The following MICAL3 variants were observed in gnomAD, a reference collection of about 807,000 sequenced individuals.
The protein encoded by MICAL3 is microtubule associated monooxygenase, calponin and LIM domain containing 3, also known as [F-actin]-monooxygenase MICAL3.
Under a neutral mutation model 207.4 loss-of-function variants are expected in MICAL3, and 62 were observed. The ratio of observed to expected loss-of-function variants is 0.30; its 90% CI spans 0.24 to 0.37. The LOEUF is 0.37. Among genes scored for constraint, MICAL3 ranks in the 10% least tolerant of loss-of-function variants. MICAL3 has a pLI of 1.00. For synonymous variants in MICAL3, 1,077 were observed against 1,069.3 expected, an observed-to-expected ratio of 1.01 and a Z score of -0.14; for missense variants, 2,368 against 2,635.6, an observed-to-expected ratio of 0.90 and a Z score of 2.22.
intron 1 of MICAL3, among the ~76,000 whole-genome samples, chr22:17,933,283 A>G (rs1933359295): frequency 6.6e-6 from 1 of 152,258 alleles, no homozygotes; most frequent in Admixed American, 6.5e-5. Context: ...CTCAGACAAC[A>G]GTGCAATCAA....
chr22:17,978,517 CTTT>C (rs796547093), intron 1 of MICAL3, among the ~76,000 whole-genome samples: 1 of 144,410 alleles, frequency 6.9e-6, no homozygotes, highest in South Asian at 2.2e-4. Flanking sequence ...GAACTGTACA[CTTT>C]TTTTTTTTTT....
rs565667574 is a variant in MICAL3 at position 17,850,400 on chromosome 22, G to GTTTTTTT, written c.2606-8390_2606-8384dup. Among the ~76,000 whole-genome samples the GTTTTTTT allele has an allele frequency of 6.5e-3, 487 of 74,402 alleles. 59 individuals are homozygous for GTTTTTTT. The highest frequency in any genetic ancestry group is 9.2e-3 in the Non-Finnish European group (358 of 38,948). The allele number at this position is 74,402 out of a possible 152,430, so 48.8% of individuals were successfully genotyped here. Reference sequence around the variant, plus strand: ...CTGTGGAACTTTTGCTTTTGAATTAGTTTTTTTTTTTTTTTTTTTTTTTTT... The same window carrying GTTTTTTT: ...CTGTGGAACTTTTGCTTTTGAATTAGTTTTTTTTTTTTTTTTTTTTTTTTTTTTTTTT... On this transcript the variant is annotated intron_variant, in intron 19 of 31. Transcript: ENST00000441493.
intron 20 of MICAL3, among the ~76,000 whole-genome samples, chr22:17,838,394 G>A (rs80243667): frequency 0.016 from 2,368 of 152,280 alleles, 36 homozygotes; most frequent in Non-Finnish European, 0.024. Flanking sequence ...CATCAACCCC[G>A]TTTAAGGAAA....
At position 17,818,447 on chromosome 22, in the gene MICAL3, C is replaced by A. The variant is rs780451031; in HGVS notation, c.4214G>T (p.Arg1405Leu). The stretch of plus-strand genomic sequence containing the variant: ...GCGTAGCTCTCTGTCGGACGGGGAC[C>A]GGGGGGTTGGCAGGGACAACGGCTC... ...EGEPLSLPTP[R>L]SPSDRELRSA... Residue 1405 changes from arginine to leucine, a missense_variant, in exon 26 of 32, where the codon CGG becomes CTG. By Grantham distance (102) the Arg-to-Leu change is moderately radical. This residue lies in a region of MICAL3 where 1,770 missense variants were observed against 1,863.2 expected (regional missense o/e 0.95). Coordinates refer to ENST00000441493, the MANE Select transcript of MICAL3 (RefSeq NM_015241.3). 10 of 1,612,866 alleles carry A rather than the reference C, an allele frequency of 6.2e-6. No individual in the cohort carries two copies. Among genetic ancestry groups the A allele is most frequent in the Non-Finnish European group, 8.5e-6 (10 of 1,179,882 alleles).
At chr22:17,864,746 G>A (rs770032279) in intron 19 of MICAL3, 153 bp downstream of exon 19, 1 of 1,613,882 alleles carries the variant, frequency 6.2e-7, no homozygotes, top group Non-Finnish European at 8.5e-7. Flanking sequence ...AACGCAAGCA[G>A]CTGGCACATG....
At chr22:17,886,671 G>A (rs2146220102) in intron 15 of MICAL3, among the ~76,000 whole-genome samples, 1 of 152,170 alleles carries the variant, frequency 6.6e-6, no homozygotes, top group Middle Eastern at 3.4e-3. Context: ...AGGACATGGT[G>A]ATGCACACCT....
chr22:17,860,223 CACG>C (rs1926365446), intron 19 of MICAL3: 2 of 983,330 alleles, frequency 2.0e-6, no homozygotes, highest in Non-Finnish European at 1.2e-6. Context: ...AAATTAAAAG[CACG>C]ACAACTTGGT....
intron 10 of MICAL3, 95 bp downstream of exon 10, chr22:17,895,189 G>C: frequency 7.9e-7 from 1 of 1,260,056 alleles, no homozygotes; most frequent in Non-Finnish European, 1.1e-6. Flanking sequence ...ATCCTTGTAT[G>C]TGTGGTATTA....
intron 1 of MICAL3, among the ~76,000 whole-genome samples, chr22:17,967,486 A>ACACCCACC (rs1556491356): frequency 6.9e-6 from 1 of 145,592 alleles, no homozygotes; most frequent in Non-Finnish European, 1.5e-5. Context: ...ACACACACAC[A>ACACCCACC]CACACACCCA....
Position 17,827,866 on chromosome 22 carries a change from T to G in MICAL3, c.3056-85A>C, listed in dbSNP as rs145369372. ...ATGGGAAAGGAAACAGAAAGAGAAG[T>G]TACAGCATTGGCCAGGGTCAGTATG... On this transcript the variant is annotated intron_variant, in intron 21 of 31. Coordinates refer to ENST00000441493, the MANE Select transcript of MICAL3 (RefSeq NM_015241.3). 5.2e-4 allele frequency: 739 copies of G among 1,420,442 alleles called. 1 individual carries two copies. Among genetic ancestry groups the G allele is most frequent in the Admixed American group, 1.2e-3 (56 of 46,564 alleles). 88.0% of individuals were successfully genotyped at this position (1,420,442 alleles called of 1,614,324 possible).
intron 1 of MICAL3, among the ~76,000 whole-genome samples, chr22:17,991,107 C>A (rs150388513): frequency 1.3e-5 from 2 of 152,356 alleles, no homozygotes; most frequent in African/African-American, 4.8e-5. Context: ...AGAGGCTGGG[C>A]CAGCCAGGCC....
intron 1 of MICAL3, among the ~76,000 whole-genome samples, chr22:17,960,319 C>T (rs1364863690): frequency 6.6e-6 from 1 of 152,300 alleles, no homozygotes; most frequent in African/African-American, 2.4e-5. Flanking sequence ...TGTGTACATG[C>T]GTGTGCATGT....
chr22:17,804,781 G>A (rs1224614245), intron 29 of MICAL3, among the ~76,000 whole-genome samples: 4 of 152,174 alleles, frequency 2.6e-5, no homozygotes, highest in African/African-American at 4.8e-5. Context: ...CACAGCCTCC[G>A]GTCCCACCTG....
intron 1 of MICAL3, among the ~76,000 whole-genome samples, chr22:17,967,806 G>A (rs1431260005): frequency 1.3e-5 from 2 of 152,306 alleles, no homozygotes; most frequent in Non-Finnish European, 2.9e-5. Flanking sequence ...CAGCACTTTG[G>A]GAGGCCGAGG....
chr22:17,970,174 C>G (rs1021670951), intron 1 of MICAL3, among the ~76,000 whole-genome samples: 1 of 152,240 alleles, frequency 6.6e-6, no homozygotes, highest in Admixed American at 6.5e-5. Flanking sequence ...TCAACACCCA[C>G]TTTTCTCAGC....
Position 17,900,661 on chromosome 22 carries a change from G to A in MICAL3, c.847+181C>T, listed in dbSNP as rs1344703568. 6.6e-6 allele frequency among the ~76,000 whole-genome samples: 1 copy of A among 152,152 alleles called. No homozygotes were observed. The highest frequency in any genetic ancestry group is 1.5e-5 in the Non-Finnish European group (1 of 68,036). On this transcript the variant is annotated intron_variant, in intron 6 of 31. Coordinates refer to ENST00000441493, the MANE Select transcript of MICAL3 (RefSeq NM_015241.3). The surrounding 1 kb of genome is among the most constrained non-coding windows in gnomAD (Gnocchi z 4.0). ...TGTGAGGAGGTTAAGAATACAAGAG[G>A]AGGAGACAAGTTCTGCAGGAAGCAA...
At chr22:17,843,397 T>C (rs1174405903) in intron 19 of MICAL3, among the ~76,000 whole-genome samples, 1 of 152,148 alleles carries the variant, frequency 6.6e-6, no homozygotes, top group Non-Finnish European at 1.5e-5. Flanking sequence ...CCCTGTAATG[T>C]GAGTAGCACC....
chr22:17,864,257 G>A, intron 19 of MICAL3: 2 of 1,039,998 alleles, frequency 1.9e-6, no homozygotes, highest in Non-Finnish European at 2.3e-6. Context: ...GGTCATGAAA[G>A]TGGGACAGGT....
chr22:17,939,792 CAA>C (rs1933722967), intron 1 of MICAL3, among the ~76,000 whole-genome samples: 1 of 152,166 alleles, frequency 6.6e-6, no homozygotes, highest in African/African-American at 2.4e-5. Flanking sequence ...TCCTCTACAG[CAA>C]ATAGTCTCAG....
Sources: gnomAD v4.1 joint callset for allele counts (sites outside exome capture counted in the v4.1 genomes callset) on GRCh38, gnomAD v4.1.1 for gene constraint, gnomAD v4.1.1 regional missense constraint, Gnocchi (gnomAD v3.1) non-coding constraint, MANE v1.5 for transcripts, NCBI Gene and HGNC (gene_info 2026-07-23, HGNC 2026-07-21) for gene names.